SEC31B: variants seen among roughly 807,000 people sequenced by gnomAD.
The protein encoded by SEC31B is protein transport protein Sec31B.
Under a neutral mutation model 135.0 loss-of-function variants are expected in SEC31B, and 113 were observed. The observed-to-expected ratio is 0.84, with a 90% CI of 0.72 to 0.98. The LOEUF (loss-of-function observed/expected upper bound fraction) is 0.98. Among genes scored for constraint, SEC31B ranks in the 50% least tolerant of loss-of-function variants. The pLI is 0.00. For missense variants in SEC31B, 1,296 were observed against 1,421.1 expected (o/e 0.91, Z 1.42); for synonymous variants, 508 against 549.4 (o/e 0.92, Z 1.05).
At position 100,490,063 on chromosome 10, in the gene SEC31B, T is replaced by C; in HGVS notation, c.2910A>G (p.Pro970=). ...SFPVPYLPGD[P]GAPCSSVLPT... is the part of the protein sequence containing the mutation. ...GGAGGACACTAGAGCATGGGGCACC[T>C]GGGTCCCCTGGAAGGTATGGCACAG... is the stretch of plus-strand genomic sequence containing the variant. The change falls in exon 21 of 26, where the codon CCA becomes CCG. Residue 970 remains proline, a synonymous_variant. Coordinates refer to ENST00000370345, the MANE Select transcript of SEC31B (RefSeq NM_015490.4). The C allele has an allele frequency of 6.4e-7, 1 of 1,565,910 alleles. No individual in the cohort carries two copies. The highest frequency in any genetic ancestry group is 8.6e-7 in the Non-Finnish European group (1 of 1,159,824).
chr10:100,497,485 C>G, intron 16 of SEC31B, 182 bp downstream of exon 16: 1 of 1,476,356 alleles, frequency 6.8e-7, no homozygotes, highest in South Asian at 1.4e-5. Flanking sequence ...AACAAAGGAT[C>G]CCCTCTGAAA....
At chr10:100,518,296 A>G (rs1465466172) in intron 1 of SEC31B, among the ~76,000 whole-genome samples, 1 of 152,162 alleles carries the variant, frequency 6.6e-6, no homozygotes. Flanking sequence ...GCCTTTACAA[A>G]TGCTGTTCCC....
rs750139937 is a variant in SEC31B at position 100,505,503 on chromosome 10, G to T, written c.1045-8C>A. 6.6e-7 allele frequency: 1 copy of T among 1,516,532 alleles called. No homozygotes were observed. 93.9% of individuals were successfully genotyped at this position (1,516,532 alleles called of 1,614,324 possible). ...GCTGAAGGAAGAGGAGATCTGGGGG[G>T]AAAAGACACCTGCATCGCCATCCTA... On this transcript the variant is annotated splice_polypyrimidine_tract_variant and splice_region_variant and intron_variant, in intron 9 of 25. Transcript: ENST00000370345.
chr10:100,507,665 A>C, intron 6 of SEC31B, 98 bp from the exon 7 acceptor site: 2 of 1,503,740 alleles, frequency 1.3e-6, no homozygotes, highest in Non-Finnish European at 1.8e-6. Context: ...CTCTTTTGTG[A>C]CTGGGAACAC....
intron 11 of SEC31B, among the ~76,000 whole-genome samples, chr10:100,500,670 A>G (rs910236048): frequency 4.6e-5 from 7 of 152,184 alleles, no homozygotes; most frequent in African/African-American, 4.8e-5. Context: ...GCACAGGTAC[A>G]GTAAACAAAG....
chr10:100,509,412 A>G lies in SEC31B; in HGVS notation c.303T>C (p.Asn101=). The change falls in exon 4 of 26, where the codon AAT becomes AAC. Residue 101 remains asparagine (N), a synonymous_variant. Transcript: ENST00000370345. ...GGDNGMLILY[N]VTHILSSGKE... ...TCCCCGAAGACAGGATGTGGGTCAC[A>G]TTGTATAGAATAAGCATGCCATTGT... 6.2e-7 allele frequency: 1 copy of G among 1,614,136 alleles called. No homozygotes were observed. Among genetic ancestry groups the G allele is most frequent in the Non-Finnish European group, 8.5e-7 (1 of 1,180,010 alleles).
chr10:100,508,327 T>G (rs1851671568), intron 5 of SEC31B: 1 of 548,988 alleles, frequency 1.8e-6, no homozygotes, highest in African/African-American at 1.9e-5. Flanking sequence ...AAAACAGCCC[T>G]CTTGTCTAGG....
chr10:100,499,208 G>A lies in SEC31B; in HGVS notation c.1536C>T (p.Pro512=). Residue 512 remains proline (P), a synonymous_variant, in exon 13 of 26, where the codon CCC becomes CCT. Coordinates refer to ENST00000370345, the MANE Select transcript of SEC31B (RefSeq NM_015490.4). ...TGTCACTGTTGAGGTCATTTCCCTT[G>A]GGCTGAGGACTCTCACCTAGCCCCA... is the stretch of plus-strand genomic sequence containing the variant. ...SDVGLGESPQ[P]KGNDLNSDRQ... is the part of the protein sequence containing the mutation. 1.2e-6 allele frequency: 2 copies of A among 1,613,868 alleles called. No individual in the cohort carries two copies. The highest frequency in any genetic ancestry group is 1.7e-6 in the Non-Finnish European group (2 of 1,179,954).
At chr10:100,494,993 T>A in intron 19 of SEC31B, 1 of 273,372 alleles carries the variant, frequency 3.7e-6, no homozygotes, top group Non-Finnish European at 7.1e-6. Context: ...GCCCAGATCA[T>A]TATTTTGTAT....
At chr10:100,495,291 T>C (rs1384656970) in intron 19 of SEC31B, 94 bp downstream of exon 19, 3 of 1,134,646 alleles carry the variant, frequency 2.6e-6, no homozygotes, top group Non-Finnish European at 2.6e-6. Flanking sequence ...TTGGGAATTT[T>C]CATCAGTTTT....
At chr10:100,488,142 A>C (rs1851218863) in intron 24 of SEC31B, 44 bp from the exon 25 acceptor site, 2 of 1,532,770 alleles carry the variant, frequency 1.3e-6, no homozygotes, top group Non-Finnish European at 1.8e-6. Context: ...CCTAAGTCTA[A>C]CACCACACAG....
chr10:100,518,035 T>C (rs990168098), intron 1 of SEC31B, among the ~76,000 whole-genome samples: 2 of 152,248 alleles, frequency 1.3e-5, no homozygotes, highest in African/African-American at 4.8e-5. Flanking sequence ...ATCCCCTTTC[T>C]ACTCAAGCCA....
At chr10:100,489,160 A>T in intron 23 of SEC31B, 92 bp downstream of exon 23, 1 of 1,476,696 alleles carries the variant, frequency 6.8e-7, no homozygotes, top group Non-Finnish European at 9.0e-7. Flanking sequence ...CCCTCAGCAC[A>T]TGCCTTGAGG....
At chr10:100,494,468 T>G (rs1365415381) in intron 19 of SEC31B, among the ~76,000 whole-genome samples, 1 of 152,214 alleles carries the variant, frequency 6.6e-6, no homozygotes, top group Non-Finnish European at 1.5e-5. Context: ...CACAGAATGC[T>G]AGGTCCTTAG....
At chr10:100,500,234 C>G in intron 11 of SEC31B, 2 of 456,380 alleles carry the variant, frequency 4.4e-6, no homozygotes, top group Non-Finnish European at 8.8e-6. Context: ...TGATGCTACC[C>G]TGCTGTGGTC....
chr10:100,496,112 C>G (rs1851403426), intron 18 of SEC31B, 146 bp downstream of exon 18: 1 of 823,668 alleles, frequency 1.2e-6, no homozygotes, highest in Admixed American at 2.8e-5. Flanking sequence ...TGATCTTCCC[C>G]CAGTAGATTG....
chr10:100,502,213 T>C, intron 11 of SEC31B, 41 bp downstream of exon 11: 1 of 1,527,514 alleles, frequency 6.5e-7, no homozygotes, highest in Non-Finnish European at 9.0e-7. Flanking sequence ...TTCCAGGCTT[T>C]GGGGAGACAC....
chr10:100,517,991 C>T (rs1851880831), intron 1 of SEC31B, among the ~76,000 whole-genome samples: 1 of 152,204 alleles, frequency 6.6e-6, no homozygotes, highest in African/African-American at 2.4e-5. Flanking sequence ...TATCATCTCT[C>T]ACCTGGAGTA....
chr10:100,499,498 T>A, intron 12 of SEC31B, 26 bp downstream of exon 12: 6 of 1,556,244 alleles, frequency 3.9e-6, no homozygotes, highest in Non-Finnish European at 5.3e-6. Context: ...AACAAGTACA[T>A]GTTTCTGATG....
Sources: gnomAD v4.1 joint callset for allele counts (sites outside exome capture counted in the v4.1 genomes callset) on GRCh38, gnomAD v4.1.1 for gene constraint, MANE v1.5 for transcripts, NCBI Gene and HGNC (gene_info 2026-07-23, HGNC 2026-07-21) for gene names.